The following ADGRG4 variants were observed in gnomAD, a reference collection of about 807,000 sequenced individuals.
ADGRG4 encodes adhesion G protein-coupled receptor G4.
A neutral mutation model predicts 126.2 loss-of-function variants in ADGRG4; 122 were observed. The ratio of observed to expected loss-of-function variants is 0.97; its 90% CI spans 0.83 to 1.12. ADGRG4 has a LOEUF of 1.12. ADGRG4 is among the 50% of genes most tolerant of loss of function. The pLI is 0.00. For synonymous variants in ADGRG4, 943 were observed against 838.7 expected (o/e 1.12, Z -2.15); for missense variants, 2,481 against 2,251.8 (o/e 1.10, Z -2.06).
intron 4 of ADGRG4, among the ~76,000 whole-genome samples, chrX:136,313,762 G>A (rs1206220783): frequency 3.6e-5 from 4 of 111,585 alleles, no homozygotes; most frequent in African/African-American, 3.3e-5. Context: ...GTTGTTCACC[G>A]CCCGGAGGTG....
intron 21 of ADGRG4, 24 bp from the exon 22 acceptor site, chrX:136,403,220 C>T (rs775151026): frequency 8.4e-7 from 1 of 1,184,736 alleles, no homozygotes; most frequent in Non-Finnish European, 1.1e-6. Context: ...GATGAAATGC[C>T]TTTGACTTGC....
chrX:136,403,357 G>GCCAGA, intron 22 of ADGRG4, 35 bp downstream of exon 22: 1 of 1,070,845 alleles, frequency 9.3e-7, no homozygotes, highest in Non-Finnish European at 1.3e-6. Context: ...CTGGTGGTGG[G>GCCAGA]GCTCTGGCCC....
At chrX:136,329,258 CA>C (rs1569317900) in intron 5 of ADGRG4, among the ~76,000 whole-genome samples, 1 of 111,529 alleles carries the variant, frequency 9.0e-6, no homozygotes, top group Non-Finnish European at 1.9e-5. Flanking sequence ...GTGATATACC[CA>C]AATCACAACC....
chrX:136,379,022 T>A (rs1279027161), intron 15 of ADGRG4, among the ~76,000 whole-genome samples: 1 of 112,041 alleles, frequency 8.9e-6, no homozygotes, highest in Non-Finnish European at 1.9e-5. Flanking sequence ...TGGGAAACGG[T>A]CCCTCTTCTA....
rs770126541 is a variant in ADGRG4, at chrX:136,399,871, C to T, written c.8330C>T (p.Ala2777Val). 7 of 1,203,442 alleles carry T rather than the reference C, an allele frequency of 5.8e-6. No individual in the cohort carries two copies. In the South Asian group the frequency reaches 1.1e-4, roughly 18 times the overall value. The part of the protein sequence containing the change: ...AFHKLRKDYP[A>V]KILINLCTAL... ...AGCAAACTTCGAAAAGATTATCCTG[C>T]CAAAATTCTGATCAACCTGTGCACA... Residue 2777 changes from alanine to valine, a missense_variant, in exon 21 of 26, where the codon GCC becomes GTC. Coordinates refer to ENST00000394143, the MANE Select transcript of ADGRG4 (RefSeq NM_153834.4).
In ADGRG4 at chrX:136,346,788, G is replaced by A. The variant is rs774661210; in HGVS notation, c.3082G>A (p.Glu1028Lys). The A allele has an allele frequency of 1.7e-6, 2 of 1,211,418 alleles. No individual in the cohort carries two copies. The highest frequency in any genetic ancestry group is 4.3e-5 in the Admixed American group (2 of 46,035). The stretch of plus-strand genomic sequence containing the variant: ...TAATGGCAGTTCTGTGGTGGCTGAG[G>A]AGACTGAGGTTACCATGTCTGAGCC... The part of the protein sequence containing the change: ...PVNGSSVVAE[E>K]TEVTMSEPST... Residue 1028 changes from glutamate to lysine, a missense_variant, in exon 6 of 26, where the codon GAG (glutamate) becomes AAG (lysine). Coordinates refer to ENST00000394143, the MANE Select transcript of ADGRG4 (RefSeq NM_153834.4).
intron 16 of ADGRG4, 34 bp downstream of exon 16, chrX:136,387,908 G>C: frequency 8.8e-7 from 1 of 1,142,342 alleles, no homozygotes; most frequent in Non-Finnish European, 1.2e-6. Flanking sequence ...GTGATGAACT[G>C]GCATATGGTG....
chrX:136,360,151 C>T (rs1266938015), intron 11 of ADGRG4, among the ~76,000 whole-genome samples: 3 of 111,234 alleles, frequency 2.7e-5, no homozygotes, highest in Non-Finnish European at 3.8e-5. Flanking sequence ...TAGAGCCCAA[C>T]ATGTAAATGA....
chrX:136,330,081 A>G (rs1364921644), intron 5 of ADGRG4, among the ~76,000 whole-genome samples: 2 of 110,707 alleles, frequency 1.8e-5, no homozygotes, highest in East Asian at 2.8e-4. Flanking sequence ...CAACCCACCA[A>G]TCTTACTCAG....
chrX:136,406,706 G>A (rs2075413225), intron 23 of ADGRG4, among the ~76,000 whole-genome samples: 2 of 111,349 alleles, frequency 1.8e-5, no homozygotes, highest in Middle Eastern at 4.2e-3. Flanking sequence ...TTGAGGTCAG[G>A]AGTTTGAAAC....
chrX:136,334,096 CTTT>C (rs2074932938), intron 5 of ADGRG4, among the ~76,000 whole-genome samples: 1 of 31,407 alleles, frequency 3.2e-5, no homozygotes, highest in Non-Finnish European at 6.3e-5. Flanking sequence ...TTCTTTCTTT[CTTT>C]CTTTCTTTCT....
At chrX:136,333,943 C>A (rs1020445790) in intron 5 of ADGRG4, among the ~76,000 whole-genome samples, 1 of 111,314 alleles carries the variant, frequency 9.0e-6, no homozygotes, top group Non-Finnish European at 1.9e-5. Flanking sequence ...CTTTGCTTAG[C>A]CCTAGATCCC....
At chrX:136,392,772 A>G (rs773403748) in intron 17 of ADGRG4, among the ~76,000 whole-genome samples, 14 of 112,295 alleles carry the variant, frequency 1.2e-4, no homozygotes, top group Non-Finnish European at 2.4e-4. Context: ...AACATAAGCT[A>G]TATATTACTA....
In ADGRG4 at chrX:136,344,680, C is replaced by G; in HGVS notation, c.974C>G (p.Ser325Cys). 1.2e-5 allele frequency: 15 copies of G among 1,207,499 alleles called. No homozygotes were observed. The highest frequency in any genetic ancestry group is 1.7e-5 in the Non-Finnish European group (15 of 891,719). ...VDVLSTSSAI[S>C]LPTQSISIDN... ...GTTTTATCAACTTCATCAGCCATCTCTCTGCCTACCCAGAGTATATCCATA... is the reference window on the plus strand; with the variant it reads ...GTTTTATCAACTTCATCAGCCATCTGTCTGCCTACCCAGAGTATATCCATA... The change falls in exon 6 of 26, where the codon TCT (serine) becomes TGT (cysteine). Residue 325 changes from serine (S) to cysteine (C), a missense_variant. Coordinates refer to ENST00000394143, the MANE Select transcript of ADGRG4 (RefSeq NM_153834.4).
Position 136,345,695 on chromosome X carries a change from C to T in ADGRG4, c.1989C>T (p.Ala663=), listed in dbSNP as rs1420981095. Residue 663 remains alanine, a synonymous_variant, in exon 6 of 26, where the codon GCC becomes GCT. Coordinates refer to ENST00000394143, the MANE Select transcript of ADGRG4 (RefSeq NM_153834.4). Reference sequence around the variant, plus strand: ...TTTGGACTTCTAGGCCAGACCAGGCCCTGCTGGCATCTATGAACACAACCA... The same window carrying T: ...TTTGGACTTCTAGGCCAGACCAGGCTCTGCTGGCATCTATGAACACAACCA... The part of the protein sequence containing the change: ...ETIWTSRPDQ[A]LLASMNTTTI... 1.7e-6 allele frequency: 2 copies of T among 1,209,529 alleles called. No homozygotes were observed. Among genetic ancestry groups the T allele is most frequent in the African/African-American group, 1.7e-5 (1 of 57,168 alleles).
chrX:136,364,666 T>C (rs1187097489), intron 13 of ADGRG4, among the ~76,000 whole-genome samples: 1 of 111,856 alleles, frequency 8.9e-6, no homozygotes, highest in Non-Finnish European at 1.9e-5. Flanking sequence ...TGTTTGATAG[T>C]GTATAAGATG....
intron 5 of ADGRG4, among the ~76,000 whole-genome samples, chrX:136,330,827 T>C (rs1324631592): frequency 2.7e-5 from 3 of 111,937 alleles, no homozygotes; most frequent in Admixed American, 9.5e-5. Context: ...CTTTGTGTTA[T>C]AAACAATCCA....
intron 15 of ADGRG4, among the ~76,000 whole-genome samples, chrX:136,373,777 C>A (rs930935031): frequency 9.1e-6 from 1 of 109,684 alleles, no homozygotes; most frequent in Non-Finnish European, 1.9e-5. Context: ...CCAGCCTGGG[C>A]AATATAGTGA....
At chrX:136,404,043 T>TTCTC (rs1398919597) in intron 22 of ADGRG4, among the ~76,000 whole-genome samples, 1 of 111,104 alleles carries the variant, frequency 9.0e-6, no homozygotes, top group African/African-American at 3.3e-5. Flanking sequence ...GCCTCTCAAG[T>TTCTC]TCTCTTCCAC....
Sources: allele counts gnomAD v4.1 joint callset (sites outside exome capture counted in the v4.1 genomes callset), GRCh38; gene constraint gnomAD v4.1.1; transcripts MANE v1.5; gene names NCBI Gene and HGNC (gene_info 2026-07-23, HGNC 2026-07-21).